The following GFRAL variants were observed in gnomAD, a reference collection of about 807,000 sequenced individuals.
GFRAL encodes GDNF family receptor alpha-like.
Under a neutral mutation model 45.4 loss-of-function variants are expected in GFRAL, and 36 were observed. The observed-to-expected ratio is 0.79, with a 90% CI of 0.61 to 1.05. GFRAL has a LOEUF of 1.05. GFRAL is among the 50% of genes least tolerant of loss of function. The pLI is 0.00. For missense variants in GFRAL, 507 were observed against 467.5 expected, an observed-to-expected ratio of 1.08 and a Z score of -0.78; for synonymous variants, 166 against 154.1, an observed-to-expected ratio of 1.08 and a Z score of -0.57.
chr6:55,397,524 C>CAAAAAAAAAAAAAAAAAA (rs70986715), intron 6 of GFRAL, among the ~76,000 whole-genome samples: 2 of 67,416 alleles, frequency 3.0e-5, no homozygotes, highest in Non-Finnish European at 2.7e-5. Context: ...GACTCCGTCT[C>CAAAAAAAAAAAAAAAAAA]AAAAAAAAAA....
chr6:55,330,724 G>T (rs1767818690), intron 1 of GFRAL, among the ~76,000 whole-genome samples: 1 of 151,964 alleles, frequency 6.6e-6, no homozygotes, highest in Admixed American at 6.6e-5. Flanking sequence ...ATAGTTTAAA[G>T]GATATAAAAC....
At chr6:55,379,220 CAT>C (rs1191630233) in intron 6 of GFRAL, among the ~76,000 whole-genome samples, 1 of 151,828 alleles carries the variant, frequency 6.6e-6, no homozygotes, top group Admixed American at 6.6e-5. Context: ...CGTAGGTAAA[CAT>C]GTGTCATGGG....
At chr6:55,383,036 T>A (rs1768632761) in intron 6 of GFRAL, among the ~76,000 whole-genome samples, 1 of 151,962 alleles carries the variant, frequency 6.6e-6, no homozygotes, top group South Asian at 2.1e-4. Context: ...AATAAGTGAC[T>A]TCTTAAGTAT....
intron 3 of GFRAL, among the ~76,000 whole-genome samples, chr6:55,344,348 G>A (rs1320357479): frequency 6.6e-6 from 1 of 152,212 alleles, no homozygotes; most frequent in African/African-American, 2.4e-5. Context: ...CCATGATCAA[G>A]TGGGCTTCAT....
chr6:55,366,941 T>G (rs1355974278), intron 6 of GFRAL, among the ~76,000 whole-genome samples: 1 of 70,110 alleles, frequency 1.4e-5, no homozygotes. Flanking sequence ...GAGAGTTCTG[T>G]AGATGTCTAT....
intron 6 of GFRAL, among the ~76,000 whole-genome samples, chr6:55,389,597 C>T (rs980591749): frequency 6.6e-6 from 1 of 152,072 alleles, no homozygotes; most frequent in Non-Finnish European, 1.5e-5. Context: ...GGATAGAAAA[C>T]TGGAGCATCA....
rs552077067 is a variant in GFRAL at position 55,343,443 on chromosome 6, A to T, written c.317-6649A>T. On this transcript the variant is annotated intron_variant, in intron 3 of 8. Coordinates refer to ENST00000340465, the MANE Select transcript of GFRAL (RefSeq NM_207410.2). Reference sequence around the variant, plus strand: ...TGAATGACTGCTGGGTACATAATTAAATGAAGGCAGAAATAAAGATGTTCT... The same window carrying T: ...TGAATGACTGCTGGGTACATAATTATATGAAGGCAGAAATAAAGATGTTCT... Among the ~76,000 whole-genome samples, 4 of 152,324 alleles carry T rather than the reference A, an allele frequency of 2.6e-5. No individual in the cohort carries two copies. The South Asian group carries it at 8.3e-4, about 32-fold the overall frequency.
At chr6:55,361,575 G>A (rs1689344092) in intron 6 of GFRAL, among the ~76,000 whole-genome samples, 1 of 151,696 alleles carries the variant, frequency 6.6e-6, no homozygotes, top group African/African-American at 2.4e-5. Flanking sequence ...GAGTCGAGGG[G>A]TGCAGAACTC....
chr6:55,393,896 G>T (rs1360972646), intron 6 of GFRAL, among the ~76,000 whole-genome samples: 1 of 152,136 alleles, frequency 6.6e-6, no homozygotes, highest in Admixed American at 6.5e-5. Flanking sequence ...TTTCCTTGTA[G>T]TCAGGCAGAA....
At chr6:55,357,185 C>T (rs753189594) in intron 5 of GFRAL, among the ~76,000 whole-genome samples, 2 of 151,826 alleles carry the variant, frequency 1.3e-5, no homozygotes, top group Non-Finnish European at 2.9e-5. Context: ...ATGAAATGTC[C>T]TGTAAATATC....
At chr6:55,329,551 G>A (rs1443011752) in intron 1 of GFRAL, among the ~76,000 whole-genome samples, 1 of 151,976 alleles carries the variant, frequency 6.6e-6, no homozygotes, top group Non-Finnish European at 1.5e-5. Context: ...CTGGGTCTTT[G>A]GAAAACTGGA....
intron 6 of GFRAL, among the ~76,000 whole-genome samples, chr6:55,394,592 G>A (rs1425804953): frequency 6.6e-6 from 1 of 152,092 alleles, no homozygotes; most frequent in Admixed American, 6.5e-5. Context: ...GGCTATTGAA[G>A]GATAGTCAGA....
chr6:55,361,141 C>T (rs1179817702), intron 6 of GFRAL, among the ~76,000 whole-genome samples: 3 of 151,922 alleles, frequency 2.0e-5, no homozygotes, highest in Admixed American at 2.0e-4. Flanking sequence ...AATGATTTCA[C>T]TTTTCTTTAC....
At chr6:55,357,295 G>A (rs1450189511) in intron 5 of GFRAL, among the ~76,000 whole-genome samples, 5 of 151,810 alleles carry the variant, frequency 3.3e-5, no homozygotes, top group South Asian at 2.1e-4. Context: ...AGATGTTGAA[G>A]TCTCTCTCTT....
At chr6:55,391,622 C>T (rs551904906) in intron 6 of GFRAL, among the ~76,000 whole-genome samples, 2 of 152,210 alleles carry the variant, frequency 1.3e-5, no homozygotes, top group South Asian at 4.1e-4. Flanking sequence ...TGGTGACATG[C>T]CCCTGTAGTC....
chr6:55,377,814 T>A (rs1768555162), intron 6 of GFRAL, among the ~76,000 whole-genome samples: 1 of 152,064 alleles, frequency 6.6e-6, no homozygotes, highest in African/African-American at 2.4e-5. Flanking sequence ...GGCCAGTACA[T>A]ATAACAGAGA....
chr6:55,362,284 A>C (rs1170441875), intron 6 of GFRAL, among the ~76,000 whole-genome samples: 1 of 151,584 alleles, frequency 6.6e-6, no homozygotes, highest in Non-Finnish European at 1.5e-5. Flanking sequence ...GAAAAAAAAA[A>C]AAACAGCAAC....
chr6:55,348,503 A>T (rs186094869), intron 3 of GFRAL, among the ~76,000 whole-genome samples: 1,986 of 152,186 alleles, frequency 0.013, 23 homozygotes, highest in Non-Finnish European at 0.022. Flanking sequence ...ATTTTTCCCC[A>T]GTTCCGGATT....
chr6:55,335,394 A>AT (rs1025832953), intron 3 of GFRAL, among the ~76,000 whole-genome samples: 1 of 151,908 alleles, frequency 6.6e-6, no homozygotes, highest in Non-Finnish European at 1.5e-5. Context: ...TGTGTTTTGT[A>AT]TTTTTTTAGT....
Sources: allele counts gnomAD v4.1 joint callset (sites outside exome capture counted in the v4.1 genomes callset), GRCh38; gene constraint gnomAD v4.1.1; transcripts MANE v1.5; gene names NCBI Gene and HGNC (gene_info 2026-07-23, HGNC 2026-07-21).